ZNF831: variants seen among roughly 807,000 people sequenced by gnomAD.
ZNF831 encodes the protein chromosome 20 open reading frame 174.
Under a neutral mutation model 95.8 loss-of-function variants are expected in ZNF831, and 59 were observed. That is an observed-to-expected ratio of 0.62 (90% CI 0.50 to 0.77). ZNF831 has a LOEUF of 0.77. Among genes scored for constraint, ZNF831 ranks in the 30% least tolerant of loss-of-function variants. The probability of loss-of-function intolerance (pLI) is 0.00; values close to 1 mark genes in which losing one functional copy is unlikely to be tolerated. For missense variants in ZNF831, 2,205 were observed against 2,164.0 expected (o/e 1.02, Z -0.38); for synonymous variants, 961 against 925.5 (o/e 1.04, Z -0.70).
intron 3 of ZNF831, among the ~76,000 whole-genome samples, chr20:59,205,673 G>T (rs998350382): frequency 1.3e-5 from 2 of 152,270 alleles, no homozygotes; most frequent in African/African-American, 4.8e-5. Context: ...GAAAATAGCC[G>T]GTTCTGAGGA....
rs1985031628 is a variant in ZNF831 at position 59,208,112 on chromosome 20, GT to G, written c.4027+1061del. Among the ~76,000 whole-genome samples, 1 of 152,260 alleles carries G rather than the reference GT, an allele frequency of 6.6e-6. No homozygotes were observed. Among genetic ancestry groups the G allele is most frequent in the Non-Finnish European group, 1.5e-5 (1 of 68,040 alleles). On this transcript the variant is annotated intron_variant, in intron 4 of 5. Coordinates refer to ENST00000371030, the MANE Select transcript of ZNF831 (RefSeq NM_178457.3). This position sits in a 1 kb window ranked among gnomAD's most constrained non-coding sequence, Gnocchi z 4.2. Reference sequence around the variant, plus strand: ...GGCCAGTTGTTGAAGAAGAAAGGTTGTTTTTGTTAAGGAAGGTCAAGGGTCA... The same window carrying G: ...GGCCAGTTGTTGAAGAAGAAAGGTTGTTTTGTTAAGGAAGGTCAAGGGTCA...
chr20:59,193,964 C>T lies in ZNF831; in HGVS notation c.2945C>T (p.Ser982Leu), dbSNP rs1277301009. ...GAAGAACGGGCATCATTTGTTGGGT[C>T]AGGACTGGGGACCCCTCTTTCTCCC... ...WPEERASFVG[S>L]GLGTPLSPSP... The change falls in exon 2 of 6, where the codon TCA becomes TTA. Residue 982 changes from serine (S) to leucine (L), a missense_variant. By Grantham distance (145) the Ser-to-Leu change is moderately radical (BLOSUM62 -2). Coordinates refer to ENST00000371030, the MANE Select transcript of ZNF831 (RefSeq NM_178457.3). 6.4e-7 allele frequency: 1 copy of T among 1,565,688 alleles called. No individual in the cohort carries two copies. Among genetic ancestry groups the T allele is most frequent in the Non-Finnish European group, 8.6e-7 (1 of 1,156,080 alleles).
At chr20:59,231,917 A>T (rs1986745984) in intron 4 of ZNF831, among the ~76,000 whole-genome samples, 1 of 152,200 alleles carries the variant, frequency 6.6e-6, no homozygotes, top group African/African-American at 2.4e-5. Flanking sequence ...AGAAGTAAAA[A>T]CACCTTGCTG....
In ZNF831 at chr20:59,193,015, G is replaced by A. The variant is rs2146575753; in HGVS notation, c.1996G>A (p.Gly666Arg). 6.4e-7 allele frequency: 1 copy of A among 1,574,192 alleles called. No individual in the cohort carries two copies. Among genetic ancestry groups the A allele is most frequent in the East Asian group, 2.2e-5 (1 of 44,696 alleles). Residue 666 changes from glycine to arginine, a missense_variant, in exon 2 of 6, where the codon GGG becomes AGG. Physicochemically the swap from Gly to Arg is moderately radical, Grantham distance 125 (BLOSUM62 -2). Coordinates refer to ENST00000371030, the MANE Select transcript of ZNF831 (RefSeq NM_178457.3). The part of the protein sequence containing the change: ...LGFPLQKEAA[G>R]SSGTVPTQDR... ...CTTTCCTCTGCAGAAAGAGGCAGCA[G>A]GGAGCTCAGGCACAGTCCCCACCCA...
Position 59,217,837 on chromosome 20 carries a change from C to T in ZNF831, c.4027+10781C>T, listed in dbSNP as rs919468246. Among the ~76,000 whole-genome samples, 2 of 152,190 alleles carry T rather than the reference C, an allele frequency of 1.3e-5. No individual in the cohort carries two copies. The highest frequency in any genetic ancestry group is 2.4e-5 in the African/African-American group (1 of 41,438). ...TTCTCTTGACCAGATGTTATGTCCA[C>T]TGGGCACAATTTGATATTCTCACCA... On this transcript the variant is annotated intron_variant, in intron 4 of 5. Transcript: ENST00000371030. The surrounding 1 kb of genome is among the most constrained non-coding windows in gnomAD (Gnocchi z 4.4).
chr20:59,185,774 C>T (rs966872877), intron 1 of ZNF831, among the ~76,000 whole-genome samples: 2 of 152,204 alleles, frequency 1.3e-5, no homozygotes, highest in African/African-American at 4.8e-5. Context: ...GGACTTATTT[C>T]TCCCTTCCTC....
chr20:59,143,708 G>C (rs553460752), intron 1 of ZNF831, among the ~76,000 whole-genome samples: 163 of 152,232 alleles, frequency 1.1e-3, no homozygotes, highest in Non-Finnish European at 1.7e-3. Flanking sequence ...AAGGCTGGAT[G>C]GTTGGCCCGA....
rs767382644 is a variant in ZNF831 at position 59,191,361 on chromosome 20, G to T, written c.342G>T (p.Thr114=). ...GGAAGCCGGCGGCCCCTACGCTGAC[G>T]GTGAACATCGTGGGCACTCTGCCTG... is the stretch of plus-strand genomic sequence containing the variant. The part of the protein sequence containing the change: ...QVGKPAAPTL[T]VNIVGTLPVL... The change falls in exon 2 of 6, where the codon ACG becomes ACT. Residue 114 remains threonine (T), a synonymous_variant. Coordinates refer to ENST00000371030, the MANE Select transcript of ZNF831 (RefSeq NM_178457.3). 3.7e-6 allele frequency: 6 copies of T among 1,608,024 alleles called. No individual in the cohort carries two copies. The highest frequency in any genetic ancestry group is 4.2e-6 in the Non-Finnish European group (5 of 1,177,280).
chr20:59,187,142 A>G (rs1403147447), intron 1 of ZNF831, among the ~76,000 whole-genome samples: 3 of 152,108 alleles, frequency 2.0e-5, no homozygotes, highest in Admixed American at 2.0e-4. Flanking sequence ...GATCCCTGAG[A>G]ATGGAAGATG....
At chr20:59,204,946 G>A (rs897511360) in intron 3 of ZNF831, among the ~76,000 whole-genome samples, 1 of 152,178 alleles carries the variant, frequency 6.6e-6, no homozygotes, top group African/African-American at 2.4e-5. Context: ...ACAGTCCTTT[G>A]AAGACATTGC....
intron 4 of ZNF831, among the ~76,000 whole-genome samples, chr20:59,223,506 G>C (rs1986233662): frequency 6.6e-6 from 1 of 152,228 alleles, no homozygotes; most frequent in Non-Finnish European, 1.5e-5. Context: ...CAGAGGCAGC[G>C]GTGCTCCAGC....
At chr20:59,198,966 G>T (rs1984322826) in intron 3 of ZNF831, among the ~76,000 whole-genome samples, 1 of 152,034 alleles carries the variant, frequency 6.6e-6, no homozygotes, top group African/African-American at 2.4e-5. Flanking sequence ...TTTGAGGGGA[G>T]GTATTACTCT....
chr20:59,203,756 G>T (rs930852099), intron 3 of ZNF831, among the ~76,000 whole-genome samples: 1 of 151,960 alleles, frequency 6.6e-6, no homozygotes, highest in African/African-American at 2.4e-5. Flanking sequence ...GAAAATGGTT[G>T]TTTTCATTAA....
At chr20:59,135,495 G>T (rs2146439517) in intron 1 of ZNF831, among the ~76,000 whole-genome samples, 1 of 152,338 alleles carries the variant, frequency 6.6e-6, no homozygotes, top group African/African-American at 2.4e-5. Context: ...ACTTTGGGAG[G>T]CCGAGGCGGG....
chr20:59,201,600 G>A (rs1411170083), intron 3 of ZNF831, among the ~76,000 whole-genome samples: 3 of 152,054 alleles, frequency 2.0e-5, no homozygotes, highest in Non-Finnish European at 4.4e-5. Context: ...ATACTTTTAA[G>A]TTTTATATTT....
chr20:59,222,118 A>G (rs906037799), intron 4 of ZNF831, among the ~76,000 whole-genome samples: 5 of 152,232 alleles, frequency 3.3e-5, no homozygotes, highest in Admixed American at 2.6e-4. Flanking sequence ...TCAATCTGAT[A>G]AAGTTCTTTT....
rs368822732 is a variant in ZNF831 at position 59,195,955 on chromosome 20, G to T, written c.3825G>T (p.Lys1275Asn). Residue 1275 changes from lysine to asparagine, a missense_variant, in exon 3 of 6, where the codon AAG becomes AAT. By Grantham distance (94) the Lys-to-Asn change is moderately conservative. Coordinates refer to ENST00000371030, the MANE Select transcript of ZNF831 (RefSeq NM_178457.3). ...EWKKGLPWRA[K>N]MSRGNSKQRK... Reference sequence around the variant, plus strand: ...AGAAAGGCCTGCCTTGGAGGGCAAAGATGTCTCGTGGGAACAGCAAGCAGA... The same window carrying T: ...AGAAAGGCCTGCCTTGGAGGGCAAATATGTCTCGTGGGAACAGCAAGCAGA... 14 of 1,614,104 alleles carry T rather than the reference G, an allele frequency of 8.7e-6. No homozygotes were observed. Among genetic ancestry groups the T allele is most frequent in the African/African-American group, 2.7e-5 (2 of 74,936 alleles).
intron 4 of ZNF831, among the ~76,000 whole-genome samples, chr20:59,250,155 G>T (rs1987811285): frequency 6.6e-6 from 1 of 152,172 alleles, no homozygotes; most frequent in African/African-American, 2.4e-5. Flanking sequence ...GAAGACTAGG[G>T]GCTTAGTCTC....
At chr20:59,251,588 A>G (rs528510216) in intron 4 of ZNF831, among the ~76,000 whole-genome samples, 34 of 152,338 alleles carry the variant, frequency 2.2e-4, no homozygotes, top group African/African-American at 7.2e-4. Context: ...AGGTTCAGGA[A>G]CCAGGAAAGA....
Sources: allele counts gnomAD v4.1 joint callset (sites outside exome capture counted in the v4.1 genomes callset), GRCh38; gene constraint gnomAD v4.1.1; non-coding constraint Gnocchi (gnomAD v3.1); transcripts MANE v1.5; gene names NCBI Gene and HGNC (gene_info 2026-07-23, HGNC 2026-07-21).